PICK1: variants seen among roughly 807,000 people sequenced by gnomAD.
The protein encoded by PICK1 is protein interacting with PRKCA 1, also known as PRKCA-binding protein.
PICK1 carries 23 observed loss-of-function variants against 48.9 expected under a neutral mutation model. The observed-to-expected ratio is 0.47, with a 90% CI of 0.34 to 0.67. The LOEUF is 0.67. Ranked by LOEUF, PICK1 falls within the 30% of genes least tolerant of loss-of-function variation. The probability of loss-of-function intolerance (pLI) is 0.01; values close to 1 mark genes in which losing one functional copy is unlikely to be tolerated. For missense variants in PICK1, 423 were observed against 557.1 expected (o/e 0.76, Z 2.42); for synonymous variants, 217 against 228.2 (o/e 0.95, Z 0.44).
At chr22:38,065,223 G>A (rs1005901629) in intron 4 of PICK1, 93 bp downstream of exon 4, 59 of 1,315,430 alleles carry the variant, frequency 4.5e-5, no homozygotes, top group Non-Finnish European at 6.0e-5. Context: ...CTGGAAGGGG[G>A]TATCAGCCCT....
In PICK1 at chr22:38,074,027, G is replaced by C; in HGVS notation, c.834+204G>C. The C allele has an allele frequency of 3.1e-6, 2 of 639,406 alleles. No individual in the cohort carries two copies. The highest frequency in any genetic ancestry group is 3.8e-5 in the South Asian group (2 of 52,536). 39.6% of individuals were successfully genotyped at this position (639,406 alleles called of 1,614,324 possible). ...CGGGAACCACTCCCTCAGTCTGGGG[G>C]ACTCTTGGAGGGAAATCGGATTTTC... On this transcript the variant is annotated intron_variant, in intron 11 of 12. Transcript: ENST00000356976. This position sits in a 1 kb window ranked among gnomAD's most constrained non-coding sequence, Gnocchi z 4.5.
At position 38,074,316 on chromosome 22, in the gene PICK1, G is replaced by A. The variant is rs749077696; in HGVS notation, c.844G>A (p.Glu282Lys). 1.2e-6 allele frequency: 2 copies of A among 1,611,336 alleles called. No homozygotes were observed. Among genetic ancestry groups the A allele is most frequent in the South Asian group, 1.1e-5 (1 of 91,032 alleles). The change falls in exon 12 of 13, where the codon GAG becomes AAG. Residue 282 changes from glutamate to lysine, a missense_variant. Coordinates refer to ENST00000356976, the MANE Select transcript of PICK1 (RefSeq NM_012407.4). This position sits in a 1 kb window ranked among gnomAD's most constrained non-coding sequence, Gnocchi z 4.5. The stretch of plus-strand genomic sequence containing the variant: ...CCCACCCCCGCCCCAGGCCCTAGGC[G>A]AGCCCCTTTACCGGGTGAGCACCGG... ...DEEYSCIALGEPLYRVSTGNY... is the reference protein window; with the variant it reads ...DEEYSCIALGKPLYRVSTGNY...
In PICK1 at chr22:38,059,318, G is replaced by C; in HGVS notation, c.126G>C (p.Gln42His). Residue 42 changes from glutamine (Q) to histidine (H), a missense_variant, in exon 3 of 13, where the codon CAG becomes CAC. Gln to His is a conservative substitution (Grantham distance 24). Around this residue, in one of 2 missense-constraint regions of PICK1, gnomAD observed 279 missense variants for 417.8 expected, o/e 0.67. Coordinates refer to ENST00000356976, the MANE Select transcript of PICK1 (RefSeq NM_012407.4). The stretch of plus-strand genomic sequence containing the variant: ...GGATCAGCATTGGAGGAGGGGCCCA[G>C]TACTGTCCCTGCCTCTATATCGTCC... Reference protein sequence around the residue: ...LIGISIGGGAQYCPCLYIVQV... With the variant: ...LIGISIGGGAHYCPCLYIVQV... The C allele has an allele frequency of 6.4e-7, 1 of 1,564,626 alleles. No individual in the cohort carries two copies. Among genetic ancestry groups the C allele is most frequent in the Admixed American group, 1.9e-5 (1 of 53,112 alleles).
chr22:38,073,159 C>T lies in PICK1; in HGVS notation c.783+67C>T. ...CCCTGGAGATCTGCCCCACTTCAGT[C>T]AGCCATGCTGCGGCCAGCGAGGCCA... On this transcript the variant is annotated intron_variant, in intron 10 of 12. Transcript: ENST00000356976. The surrounding 1 kb of genome is among the most constrained non-coding windows in gnomAD (Gnocchi z 5.7). The T allele has an allele frequency of 1.8e-6, 2 of 1,086,200 alleles. No individual in the cohort carries two copies. The highest frequency in any genetic ancestry group is 2.9e-6 in the Non-Finnish European group (2 of 699,374). 67.3% of individuals were successfully genotyped at this position (1,086,200 alleles called of 1,614,324 possible).
At chr22:38,068,308 T>G (rs1403644325) in intron 5 of PICK1, among the ~76,000 whole-genome samples, 2 of 152,170 alleles carry the variant, frequency 1.3e-5, no homozygotes, top group Non-Finnish European at 2.9e-5. Context: ...TGTAGAAACT[T>G]TAAGACTCAA....
Position 38,072,097 on chromosome 22 carries a change from C to T in PICK1, c.556+353C>T, listed in dbSNP as rs936091915. On this transcript the variant is annotated intron_variant, in intron 8 of 12. Transcript: ENST00000356976. ...CCAGACAAAGGAGAGGGCCACACTG[C>T]TCCCAAGTGGTGGAGCTGTTGTTCC... 10 of 487,918 alleles carry T rather than the reference C, an allele frequency of 2.0e-5. No individual in the cohort carries two copies. The Admixed American group carries it at 2.3e-4, about 11-fold the overall frequency. 30.2% of individuals were successfully genotyped at this position (487,918 alleles called of 1,614,324 possible).
intron 6 of PICK1, among the ~76,000 whole-genome samples, chr22:38,069,823 C>T (rs948048395): frequency 1.9e-4 from 29 of 152,206 alleles, no homozygotes; most frequent in Admixed American, 9.8e-4. Flanking sequence ...CTATAAATCC[C>T]TGTTACTGTA....
chr22:38,071,717 T>C lies in PICK1; in HGVS notation c.529T>C (p.Phe177Leu). 3.1e-6 allele frequency: 5 copies of C among 1,613,442 alleles called. No homozygotes were observed. Among genetic ancestry groups the C allele is most frequent in the Non-Finnish European group, 4.2e-6 (5 of 1,179,824 alleles). The change falls in exon 8 of 13, where the codon TTT becomes CTT. Residue 177 changes from phenylalanine to leucine, a missense_variant. Phe to Leu is a conservative substitution (Grantham distance 22, BLOSUM62 0). Transcript: ENST00000356976. ...TEHTKNLLRA[F>L]YELSQTHRAF... The stretch of plus-strand genomic sequence containing the variant: ...ACACACCAAGAACCTCCTACGGGCC[T>C]TTTATGAGCTGTCGCAGACTCACCG...
chr22:38,071,869 C>T, intron 8 of PICK1, 125 bp downstream of exon 8: 1 of 837,950 alleles, frequency 1.2e-6, no homozygotes. Context: ...GGCCTGGTCC[C>T]AGGTGCTGGG....
At chr22:38,062,372 G>T (rs1034080705) in intron 3 of PICK1, among the ~76,000 whole-genome samples, 2 of 151,292 alleles carry the variant, frequency 1.3e-5, no homozygotes, top group Non-Finnish European at 2.9e-5. Context: ...CTCAGCCTCC[G>T]AAGTAGCTGG....
At chr22:38,063,228 C>G (rs546252030) in intron 3 of PICK1, among the ~76,000 whole-genome samples, 50 of 151,886 alleles carry the variant, frequency 3.3e-4, no homozygotes, top group African/African-American at 1.0e-3. Flanking sequence ...GCGATCATGG[C>G]TCACTGCAGC....
chr22:38,065,374 A>C, intron 4 of PICK1: 1 of 501,700 alleles, frequency 2.0e-6, no homozygotes, highest in Non-Finnish European at 3.7e-6. Flanking sequence ...CAAGACCACA[A>C]GGTCCCCATG....
At chr22:38,059,157 T>C in intron 2 of PICK1, 77 bp from the exon 3 acceptor site, 1 of 1,024,240 alleles carries the variant, frequency 9.8e-7, no homozygotes, top group Non-Finnish European at 1.5e-6. Flanking sequence ...GTGGAGCCCC[T>C]CAGGAGTTTT....
intron 4 of PICK1, among the ~76,000 whole-genome samples, chr22:38,065,443 G>A (rs926555165): frequency 4.6e-5 from 7 of 152,196 alleles, no homozygotes; most frequent in African/African-American, 1.4e-4. Context: ...TGTGTCCCCA[G>A]TCAGTGCCAG....
chr22:38,072,519 A>T lies in PICK1; in HGVS notation c.599A>T (p.Gln200Leu). 1 of 1,613,680 alleles carries T rather than the reference A, an allele frequency of 6.2e-7. No homozygotes were observed. Among genetic ancestry groups the T allele is most frequent in the East Asian group, 2.2e-5 (1 of 44,878 alleles). ...TCCGTGATCGGGGTGCGGGAGCCCCAGCCAGCTGCGAGCGAGGCTTTTGTG... is the reference window on the plus strand; with the variant it reads ...TCCGTGATCGGGGTGCGGGAGCCCCTGCCAGCTGCGAGCGAGGCTTTTGTG... ...VFSVIGVREPQPAASEAFVKF... is the reference protein window; with the variant it reads ...VFSVIGVREPLPAASEAFVKF... The change falls in exon 9 of 13, where the codon CAG (glutamine) becomes CTG (leucine). Residue 200 changes from glutamine to leucine, a missense_variant. Around this residue, in one of 2 missense-constraint regions of PICK1, gnomAD observed 279 missense variants for 417.8 expected, o/e 0.67. Transcript: ENST00000356976.
Position 38,059,337 on chromosome 22 carries a change from A to G in PICK1, c.145A>G (p.Ile49Val). 6.4e-7 allele frequency: 1 copy of G among 1,556,370 alleles called. No individual in the cohort carries two copies. The highest frequency in any genetic ancestry group is 8.7e-7 in the Non-Finnish European group (1 of 1,148,766). Reference sequence around the variant, plus strand: ...GGCCCAGTACTGTCCCTGCCTCTATATCGTCCAGGTATTGGGCGCTTTGGA... The same window carrying G: ...GGCCCAGTACTGTCCCTGCCTCTATGTCGTCCAGGTATTGGGCGCTTTGGA... The part of the protein sequence containing the change: ...GGAQYCPCLY[I>V]VQVFDNTPAA... The change falls in exon 3 of 13, where the codon ATC becomes GTC. Residue 49 changes from isoleucine (I) to valine (V), a missense_variant. By Grantham distance (29) the Ile-to-Val change is conservative. Around this residue, in one of 2 missense-constraint regions of PICK1, gnomAD observed 279 missense variants for 417.8 expected, o/e 0.67. Coordinates refer to ENST00000356976, the MANE Select transcript of PICK1 (RefSeq NM_012407.4).
intron 3 of PICK1, among the ~76,000 whole-genome samples, chr22:38,062,870 C>A (rs1380190971): frequency 6.6e-6 from 1 of 152,164 alleles, no homozygotes; most frequent in Non-Finnish European, 1.5e-5. Context: ...GTCACATTGT[C>A]CTTTGCTGTC....
intron 4 of PICK1, 188 bp downstream of exon 4, chr22:38,065,318 A>C (rs567568356): frequency 2.0e-5 from 12 of 614,328 alleles, no homozygotes; most frequent in East Asian, 6.5e-5. Flanking sequence ...ATAAATACTA[A>C]TCGTGCTCCA....
chr22:38,071,707 C>G lies in PICK1; in HGVS notation c.519C>G (p.Leu173=). The change falls in exon 8 of 13, where the codon CTC becomes CTG. Residue 173 remains leucine (L), a synonymous_variant. Transcript: ENST00000356976. ...YKGMTEHTKN[L]LRAFYELSQT... ...GGATGACGGAACACACCAAGAACCT[C>G]CTACGGGCCTTTTATGAGCTGTCGC... 6.2e-7 allele frequency: 1 copy of G among 1,613,658 alleles called. No individual in the cohort carries two copies. The highest frequency in any genetic ancestry group is 8.5e-7 in the Non-Finnish European group (1 of 1,179,986).
Sources: gnomAD v4.1 joint callset for allele counts (sites outside exome capture counted in the v4.1 genomes callset) on GRCh38, gnomAD v4.1.1 for gene constraint, gnomAD v4.1.1 regional missense constraint, Gnocchi (gnomAD v3.1) non-coding constraint, MANE v1.5 for transcripts, NCBI Gene and HGNC (gene_info 2026-07-23, HGNC 2026-07-21) for gene names.